Variants in MAP4K5 observed in about 807,000 individuals in gnomAD.
The protein encoded by MAP4K5 is MAPK/ERK kinase kinase kinase 5.
MAP4K5 carries 82 observed loss-of-function variants against 135.6 expected under a neutral mutation model. The ratio of observed to expected loss-of-function variants is 0.60; its 90% CI spans 0.51 to 0.73. MAP4K5 has a LOEUF of 0.73. Among genes scored for constraint, MAP4K5 ranks in the 30% least tolerant of loss-of-function variants. The pLI, the probability that MAP4K5 is intolerant of heterozygous loss-of-function variation, is 0.00. For missense variants in MAP4K5, 907 were observed against 1,010.9 expected, an observed-to-expected ratio of 0.90 and a Z score of 1.39; for synonymous variants, 347 against 335.0, an observed-to-expected ratio of 1.04 and a Z score of -0.39.
At chr14:50,434,156 G>A (rs753976127) in intron 28 of MAP4K5, among the ~76,000 whole-genome samples, 9 of 152,158 alleles carry the variant, frequency 5.9e-5, no homozygotes, top group Non-Finnish European at 1.3e-4. Flanking sequence ...TAAGAACTAA[G>A]ACTTTTCACT....
chr14:50,520,325 C>G (rs1329914660), intron 2 of MAP4K5, among the ~76,000 whole-genome samples: 3 of 152,138 alleles, frequency 2.0e-5, no homozygotes, highest in Non-Finnish European at 4.4e-5. Context: ...ATGGTGAAAC[C>G]CCATCTCTAC....
intron 16 of MAP4K5, 119 bp from the exon 17 acceptor site, chr14:50,446,240 G>C (rs1362145170): frequency 1.7e-6 from 1 of 584,884 alleles, no homozygotes; most frequent in South Asian, 2.6e-5. Context: ...GACAGATCAC[G>C]ATGCAGAGTA....
intron 2 of MAP4K5, among the ~76,000 whole-genome samples, chr14:50,539,990 A>G (rs1156605435): frequency 6.6e-6 from 1 of 152,070 alleles, no homozygotes; most frequent in Non-Finnish European, 1.5e-5. Flanking sequence ...GAGGGCCCAT[A>G]CAATTTACTC....
At chr14:50,488,236 G>A (rs887723023) in intron 3 of MAP4K5, among the ~76,000 whole-genome samples, 4 of 152,014 alleles carry the variant, frequency 2.6e-5, no homozygotes, top group Non-Finnish European at 5.9e-5. Context: ...CAGATCTCAT[G>A]AGAACTCACT....
Position 50,423,452 on chromosome 14 carries a change from C to T in MAP4K5, c.2398-276G>A, listed in dbSNP as rs867074525. On this transcript the variant is annotated intron_variant, in intron 31 of 32. Transcript: ENST00000682126. ...ATCATTGAAGAAGAAACTAAGACTC[C>T]AAGAGGTTAAATAAGTTGTTCAATC... Among the ~76,000 whole-genome samples, 8 of 151,350 alleles carry T rather than the reference C, an allele frequency of 5.3e-5. No individual in the cohort carries two copies. Among genetic ancestry groups the T allele is most frequent in the African/African-American group, 1.7e-4 (7 of 41,108 alleles).
At chr14:50,541,775 T>C (rs1371286430) in intron 2 of MAP4K5, among the ~76,000 whole-genome samples, 7 of 151,594 alleles carry the variant, frequency 4.6e-5, no homozygotes, top group South Asian at 2.1e-4. Context: ...AATCCCAGCA[T>C]TTAGGGAGGC....
chr14:50,453,406 C>G (rs2139766382), intron 14 of MAP4K5, among the ~76,000 whole-genome samples: 1 of 152,194 alleles, frequency 6.6e-6, no homozygotes, highest in East Asian at 1.9e-4. Flanking sequence ...GCAAAGTCAA[C>G]AAGAAACAAT....
chr14:50,532,086 C>A lies in MAP4K5; in HGVS notation c.-37G>T. On this transcript the variant is annotated 5_prime_UTR_variant, in exon 2 of 33. Transcript: ENST00000682126. Reference sequence around the variant, plus strand: ...GCCCGGCCCCCGCCAGCTCACCCCGCGGCTCCCGGATTCCCGCTAACAAGC... The same window carrying A: ...GCCCGGCCCCCGCCAGCTCACCCCGAGGCTCCCGGATTCCCGCTAACAAGC... 7 of 1,332,520 alleles carry A rather than the reference C, an allele frequency of 5.3e-6. No individual in the cohort carries two copies. The highest frequency in any genetic ancestry group is 1.3e-5 in the South Asian group (1 of 78,602). 82.5% of individuals were successfully genotyped at this position (1,332,520 alleles called of 1,614,324 possible). A position where few individuals can be genotyped will look rare whatever the true frequency, so the allele number is the denominator to read the frequency against.
chr14:50,424,742 A>G (rs1170528008), intron 31 of MAP4K5, among the ~76,000 whole-genome samples: 1 of 151,284 alleles, frequency 6.6e-6, no homozygotes, highest in Non-Finnish European at 1.5e-5. Context: ...TTAAAAATAG[A>G]TATTTCGGAA....
rs1301642228 is a variant in MAP4K5 at position 50,419,883 on chromosome 14, C to T, written c.*136G>A. The T allele has an allele frequency of 3.2e-6, 2 of 632,198 alleles. No individual in the cohort carries two copies. Among genetic ancestry groups the T allele is most frequent in the South Asian group, 4.1e-5 (2 of 48,612 alleles). 39.2% of individuals were successfully genotyped at this position (632,198 alleles called of 1,614,324 possible). On this transcript the variant is annotated 3_prime_UTR_variant, in exon 33 of 33. Transcript: ENST00000682126. ...AGCTGCAGAAAATATTGAATTCTAC[C>T]CTAAAGTACAGATCATTTGCAATAT...
chr14:50,456,749 A>T (rs1415929662), intron 13 of MAP4K5, 155 bp from the exon 14 acceptor site: 1 of 575,086 alleles, frequency 1.7e-6, no homozygotes, highest in Non-Finnish European at 3.0e-6. Flanking sequence ...AATACTTCGG[A>T]AGTTTTTTCA....
chr14:50,482,824 A>G (rs997104104), intron 5 of MAP4K5: 1 of 155,372 alleles, frequency 6.4e-6, no homozygotes, highest in African/African-American at 2.4e-5. Context: ...ACGAACTATT[A>G]TAAAACAATT....
At chr14:50,444,982 A>C (rs2036309834) in intron 18 of MAP4K5, 59 bp downstream of exon 18, 1 of 1,508,252 alleles carries the variant, frequency 6.6e-7, no homozygotes, top group African/African-American at 1.4e-5. Context: ...TGATTTATTC[A>C]CCCAGATAAC....
At chr14:50,431,414 C>G (rs963769073) in intron 28 of MAP4K5, among the ~76,000 whole-genome samples, 34 of 152,266 alleles carry the variant, frequency 2.2e-4, no homozygotes, top group African/African-American at 7.9e-4. Flanking sequence ...TCCCCCACCC[C>G]ACAACAGTCC....
At chr14:50,527,777 T>A (rs991014265) in intron 2 of MAP4K5, among the ~76,000 whole-genome samples, 5 of 151,618 alleles carry the variant, frequency 3.3e-5, no homozygotes, top group African/African-American at 9.7e-5. Context: ...AAAAAATTCA[T>A]AGGATTGCCC....
intron 3 of MAP4K5, among the ~76,000 whole-genome samples, chr14:50,502,837 T>C (rs992997219): frequency 1.3e-5 from 2 of 152,062 alleles, no homozygotes; most frequent in Non-Finnish European, 2.9e-5. Flanking sequence ...ACTGAATCTA[T>C]AGTAATGGCT....
intron 2 of MAP4K5, among the ~76,000 whole-genome samples, chr14:50,521,261 A>T (rs976685030): frequency 1.3e-5 from 2 of 152,238 alleles, no homozygotes; most frequent in Non-Finnish European, 2.9e-5. Flanking sequence ...TATTGAAATC[A>T]GTCCATAAAT....
Position 50,467,196 on chromosome 14 carries a change from T to C in MAP4K5, c.675-551A>G, listed in dbSNP as rs116415996. ...AACTCACGTGTGACCCATTTTCTTG[T>C]GGGCTATGGGGGTAGTATGATAGAG... is the stretch of plus-strand genomic sequence containing the variant. On this transcript the variant is annotated intron_variant, in intron 10 of 32. Coordinates refer to ENST00000682126, the MANE Select transcript of MAP4K5 (RefSeq NM_006575.6). Among the ~76,000 whole-genome samples, 324 of 152,232 alleles carry C rather than the reference T, an allele frequency of 2.1e-3. 2 individuals are homozygous for C. Among genetic ancestry groups the C allele is most frequent in the African/African-American group, 7.4e-3 (306 of 41,588 alleles).
chr14:50,468,472 AT>A (rs2036882380), intron 10 of MAP4K5, 178 bp downstream of exon 10: 1 of 577,964 alleles, frequency 1.7e-6, no homozygotes, highest in East Asian at 2.8e-5. Context: ...TGAAAAATGA[AT>A]TGAGGTAACT....
Sources: gnomAD v4.1 joint callset for allele counts (sites outside exome capture counted in the v4.1 genomes callset) on GRCh38, gnomAD v4.1.1 for gene constraint, MANE v1.5 for transcripts, NCBI Gene and HGNC (gene_info 2026-07-23, HGNC 2026-07-21) for gene names.